GALM: variants seen among roughly 807,000 people sequenced by gnomAD.
The protein encoded by GALM is galactose mutarotase.
GALM carries 43 observed loss-of-function variants against 37.4 expected under a neutral mutation model. That is an observed-to-expected ratio of 1.15 (90% CI 0.90 to 1.48). The LOEUF (loss-of-function observed/expected upper bound fraction) is 1.48. GALM is among the 40% of genes most tolerant of loss of function. The pLI, the probability that GALM is intolerant of heterozygous loss-of-function variation, is 0.00. For missense variants in GALM, 456 were observed against 419.1 expected, an observed-to-expected ratio of 1.09 and a Z score of -0.77; for synonymous variants, 199 against 170.6, an observed-to-expected ratio of 1.17 and a Z score of -1.30.
intron 1 of GALM, among the ~76,000 whole-genome samples, chr2:38,669,695 G>T (rs913700039): frequency 6.6e-6 from 1 of 152,010 alleles, no homozygotes; most frequent in Non-Finnish European, 1.5e-5. Flanking sequence ...CCGACATGGT[G>T]AAACCCATCT....
chr2:38,681,683 C>G (rs1484009772), intron 3 of GALM, among the ~76,000 whole-genome samples, 197 bp downstream of exon 3: 4 of 152,252 alleles, frequency 2.6e-5, no homozygotes, highest in Admixed American at 6.5e-5. Flanking sequence ...TTACATTGTA[C>G]TGCCAAGAGA....
At chr2:38,691,249 T>C (rs931228526) in intron 4 of GALM, among the ~76,000 whole-genome samples, 5 of 152,204 alleles carry the variant, frequency 3.3e-5, no homozygotes, top group Non-Finnish European at 7.3e-5. Flanking sequence ...TCCGGTTGAG[T>C]TGATCAGATG....
intron 4 of GALM, among the ~76,000 whole-genome samples, chr2:38,700,784 A>C (rs1037005522): frequency 1.3e-5 from 2 of 151,968 alleles, no homozygotes; most frequent in Non-Finnish European, 2.9e-5. Context: ...TGTTTTTTTA[A>C]ATATATCCTT....
chr2:38,708,501 G>A (rs558451602), intron 4 of GALM, among the ~76,000 whole-genome samples: 79 of 152,052 alleles, frequency 5.2e-4, no homozygotes, highest in Non-Finnish European at 1.0e-3. Flanking sequence ...CAGCACTTTG[G>A]GAGGCCGAGG....
intron 2 of GALM, among the ~76,000 whole-genome samples, chr2:38,679,614 A>AACAGGCCCCTTCTTTT (rs1246707120): frequency 6.6e-6 from 1 of 152,184 alleles, no homozygotes; most frequent in African/African-American, 2.4e-5. Context: ...TCATGCCTGC[A>AACAGGCCCCTTCTTTT]ACAGGCCCCT....
At chr2:38,690,191 G>C (rs1418858929) in intron 4 of GALM, among the ~76,000 whole-genome samples, 1 of 152,042 alleles carries the variant, frequency 6.6e-6, no homozygotes, top group African/African-American at 2.4e-5. Flanking sequence ...CTTTACTGGG[G>C]CTGGGCGCGG....
intron 4 of GALM, among the ~76,000 whole-genome samples, chr2:38,703,437 G>T (rs1342331659): frequency 6.6e-6 from 1 of 151,882 alleles, no homozygotes; most frequent in Non-Finnish European, 1.5e-5. Context: ...AACACTGTGT[G>T]AGAACTGGGA....
chr2:38,722,522 G>T (rs1666405389), intron 4 of GALM, among the ~76,000 whole-genome samples: 1 of 152,140 alleles, frequency 6.6e-6, no homozygotes, highest in South Asian at 2.1e-4. Context: ...CTGGCCTCCA[G>T]GAGAATAAGA....
intron 4 of GALM, among the ~76,000 whole-genome samples, chr2:38,690,298 C>T (rs1572521666): frequency 6.6e-6 from 1 of 150,716 alleles, no homozygotes; most frequent in African/African-American, 2.4e-5. Context: ...ATGGTGAGAC[C>T]CCGTCTTATT....
intron 4 of GALM, among the ~76,000 whole-genome samples, chr2:38,729,112 C>T (rs1457489960): frequency 6.6e-6 from 1 of 152,018 alleles, no homozygotes; most frequent in Non-Finnish European, 1.5e-5. Context: ...TAAAATGGTG[C>T]AGTATTTGCA....
intron 3 of GALM, among the ~76,000 whole-genome samples, chr2:38,681,828 G>A (rs185762901): frequency 8.1e-4 from 124 of 152,276 alleles, no homozygotes; most frequent in African/African-American, 2.9e-3. Flanking sequence ...TTCCAATTAA[G>A]GTGCCTTCCA....
chr2:38,715,967 C>T (rs374839301), intron 4 of GALM, among the ~76,000 whole-genome samples: 3 of 152,206 alleles, frequency 2.0e-5, no homozygotes, highest in South Asian at 2.1e-4. Flanking sequence ...CAAATTTATA[C>T]AGCAAAGAAA....
At chr2:38,673,364 A>C (rs1345426648) in intron 1 of GALM, among the ~76,000 whole-genome samples, 3 of 152,238 alleles carry the variant, frequency 2.0e-5, no homozygotes, top group Non-Finnish European at 4.4e-5. Context: ...AATCTTGGTA[A>C]TAATACAGAA....
intron 3 of GALM, among the ~76,000 whole-genome samples, chr2:38,684,782 G>A (rs1665483007): frequency 6.6e-6 from 1 of 152,132 alleles, no homozygotes; most frequent in South Asian, 2.1e-4. Context: ...ACTCCATCTT[G>A]GATGACACAG....
At chr2:38,729,902 T>C (rs1666564922) in intron 5 of GALM, among the ~76,000 whole-genome samples, 1 of 152,116 alleles carries the variant, frequency 6.6e-6, no homozygotes, top group African/African-American at 2.4e-5. Flanking sequence ...ATTACCCCTA[T>C]TCCCCCTGCT....
In GALM at chr2:38,681,382, T is replaced by C; in HGVS notation, c.448T>C (p.Tyr150His). The change falls in exon 3 of 7, where the codon TAC (tyrosine) becomes CAC (histidine). Residue 150 changes from tyrosine to histidine, a missense_variant. Transcript: ENST00000272252. ...CGGAGAGTTAAAAGTCTGGGTGACA[T>C]ACACCCTGGATGGCGGAGAGCTCAT... is the stretch of plus-strand genomic sequence containing the variant. ...YPGELKVWVT[Y>H]TLDGGELIVN... 1.2e-6 allele frequency: 2 copies of C among 1,613,870 alleles called. No individual in the cohort carries two copies. The highest frequency in any genetic ancestry group is 8.5e-7 in the Non-Finnish European group (1 of 1,179,750).
intron 1 of GALM, among the ~76,000 whole-genome samples, chr2:38,673,550 T>C (rs759755077): frequency 2.8e-4 from 42 of 152,186 alleles, no homozygotes; most frequent in Admixed American, 1.5e-3. Context: ...TATTATACCA[T>C]GTAGCCATCA....
chr2:38,710,643 G>C (rs1159753979), intron 4 of GALM, among the ~76,000 whole-genome samples: 1 of 152,030 alleles, frequency 6.6e-6, no homozygotes, highest in Non-Finnish European at 1.5e-5. Context: ...GGGCTTAAGT[G>C]ATCCTCCTGC....
intron 4 of GALM, among the ~76,000 whole-genome samples, chr2:38,721,048 T>G (rs895887979): frequency 1.3e-5 from 2 of 152,202 alleles, no homozygotes; most frequent in Non-Finnish European, 2.9e-5. Flanking sequence ...AGCATGTGGA[T>G]GGGATCTAGA....
Sources: allele counts gnomAD v4.1 joint callset (sites outside exome capture counted in the v4.1 genomes callset), GRCh38; gene constraint gnomAD v4.1.1; transcripts MANE v1.5; gene names NCBI Gene and HGNC (gene_info 2026-07-23, HGNC 2026-07-21).